Variants in TNRC6A observed in about 807,000 individuals in gnomAD.
TNRC6A encodes the protein trinucleotide repeat containing adaptor 6A.
A neutral mutation model predicts 221.2 loss-of-function variants in TNRC6A; 44 were observed. The ratio of observed to expected loss-of-function variants is 0.20; its 90% confidence interval spans 0.16 to 0.26. TNRC6A has a LOEUF of 0.26. Ranked by LOEUF, TNRC6A falls within the 10% of genes least tolerant of loss-of-function variation. The probability of loss-of-function intolerance (pLI) is 1.00; values close to 1 mark genes in which losing one functional copy is unlikely to be tolerated. For missense variants in TNRC6A, 2,199 were observed against 2,404.4 expected (o/e 0.91, Z 1.79); for synonymous variants, 847 against 838.5 (o/e 1.01, Z -0.18).
intron 4 of TNRC6A, among the ~76,000 whole-genome samples, chr16:24,768,432 CA>C (rs35193077): frequency 0.027 from 2,424 of 89,088 alleles, 18 homozygotes; most frequent in South Asian, 0.095. Context: ...GACTCTGTCT[CA>C]AAAAAAAAAA....
In TNRC6A at chr16:24,818,680, G is replaced by C; in HGVS notation, c.5060G>C (p.Ser1687Thr). The part of the protein sequence containing the change: ...RASNYNVPLS[S>T]TAQSTSARNS... ...TCCAACTACAACGTTCCCCTCAGCA[G>C]TACAGCACAAAGCACTTCAGGTGGG... Residue 1687 changes from serine (S) to threonine (T), a missense_variant, in exon 21 of 25, where the codon AGT becomes ACT. By Grantham distance (58) the Ser-to-Thr change is moderately conservative. This residue lies in a region of TNRC6A where 449 missense variants were observed against 579.7 expected (regional missense o/e 0.77). Transcript: ENST00000395799. 1 of 1,614,152 alleles carries C rather than the reference G, an allele frequency of 6.2e-7. No homozygotes were observed. The highest frequency in any genetic ancestry group is 2.2e-5 in the East Asian group (1 of 44,888).
At chr16:24,713,856 G>A (rs571676252) in intron 2 of TNRC6A, among the ~76,000 whole-genome samples, 5 of 152,184 alleles carry the variant, frequency 3.3e-5, no homozygotes, top group Non-Finnish European at 5.9e-5. Context: ...ATGTTGGCCA[G>A]GCTGGTCTTT....
chr16:24,689,066 C>A (rs2055698241), intron 2 of TNRC6A, among the ~76,000 whole-genome samples: 1 of 152,056 alleles, frequency 6.6e-6, no homozygotes, highest in South Asian at 2.1e-4. Flanking sequence ...GGCCCTATTT[C>A]CAAAAGACAA....
At chr16:24,803,001 G>A (rs552866319) in intron 11 of TNRC6A, among the ~76,000 whole-genome samples, 1 of 152,354 alleles carries the variant, frequency 6.6e-6, no homozygotes, top group East Asian at 1.9e-4. Flanking sequence ...CAGTCAGAAT[G>A]AGGAGAGGAG....
rs75953368 is a variant in TNRC6A at position 24,763,081 on chromosome 16, A to G, written c.163+4721A>G. On this transcript the variant is annotated intron_variant, in intron 4 of 24. Coordinates refer to ENST00000395799, the MANE Select transcript of TNRC6A (RefSeq NM_014494.4). ...GGCATTGGCTCTTAAATTGTTTATTACATCTTTGGTTGTTGATGAAAATGA... is the reference window on the plus strand; with the variant it reads ...GGCATTGGCTCTTAAATTGTTTATTGCATCTTTGGTTGTTGATGAAAATGA... Among the ~76,000 whole-genome samples the G allele has an allele frequency of 9.3e-3, 1,422 of 152,240 alleles. 16 individuals are homozygous for G. Among genetic ancestry groups the G allele is most frequent in the Admixed American group, 0.019 (290 of 15,284 alleles).
chr16:24,779,718 C>T (rs975281770), intron 5 of TNRC6A, among the ~76,000 whole-genome samples: 2 of 152,164 alleles, frequency 1.3e-5, no homozygotes, highest in Non-Finnish European at 2.9e-5. Context: ...TTAGTATAAA[C>T]AGCGTGCACA....
intron 4 of TNRC6A, among the ~76,000 whole-genome samples, chr16:24,766,118 T>TA (rs1596651020): frequency 6.6e-6 from 1 of 152,228 alleles, no homozygotes; most frequent in East Asian, 1.9e-4. Flanking sequence ...CCTTTATTTT[T>TA]AGAGAGTTTG....
intron 4 of TNRC6A, among the ~76,000 whole-genome samples, chr16:24,762,546 C>T (rs1044885999): frequency 6.6e-6 from 1 of 152,124 alleles, no homozygotes; most frequent in Non-Finnish European, 1.5e-5. Flanking sequence ...TTTTGGAAAT[C>T]TTTGGGATCC....
chr16:24,729,705 G>A lies in TNRC6A; in HGVS notation c.-137G>A. ...GGTGTCGGCGGCGGCGGCGGCGGCG[G>A]CGGCGGCGGCGGCAGCGGGTCGGTG... On this transcript the variant is annotated 5_prime_UTR_variant, in exon 1 of 25. Coordinates refer to ENST00000395799, the MANE Select transcript of TNRC6A (RefSeq NM_014494.4). 2 of 1,072,536 alleles carry A rather than the reference G, an allele frequency of 1.9e-6. No individual in the cohort carries two copies. Among genetic ancestry groups the A allele is most frequent in the Non-Finnish European group, 2.4e-6 (2 of 829,402 alleles). The allele number at this position is 1,072,536 out of a possible 1,614,324, so 66.4% of individuals were successfully genotyped here.
At chr16:24,690,377 T>G (rs977820525) in intron 2 of TNRC6A, among the ~76,000 whole-genome samples, 2 of 151,948 alleles carry the variant, frequency 1.3e-5, no homozygotes, top group Non-Finnish European at 2.9e-5. Flanking sequence ...TGGCCAGGAG[T>G]TCCCAATATA....
intron 2 of TNRC6A, among the ~76,000 whole-genome samples, chr16:24,738,799 A>G (rs1443314296): frequency 6.6e-6 from 1 of 152,238 alleles, no homozygotes; most frequent in Non-Finnish European, 1.5e-5. Flanking sequence ...TATTGGTTAT[A>G]TACCTAGGGG....
At chr16:24,806,084 T>C in intron 15 of TNRC6A, 122 bp from the exon 16 acceptor site, 2 of 1,033,102 alleles carry the variant, frequency 1.9e-6, no homozygotes, top group East Asian at 2.6e-5. Context: ...TAGATAATGC[T>C]AGACATGTTG....
chr16:24,706,458 T>G (rs2056094355), intron 2 of TNRC6A, among the ~76,000 whole-genome samples: 1 of 152,048 alleles, frequency 6.6e-6, no homozygotes, highest in African/African-American at 2.4e-5. Context: ...ACGCCTATAA[T>G]CCCAGCACTT....
intron 9 of TNRC6A, among the ~76,000 whole-genome samples, chr16:24,796,624 A>T (rs1053266583): frequency 1.3e-5 from 2 of 152,212 alleles, no homozygotes; most frequent in African/African-American, 4.8e-5. Flanking sequence ...ATCAAAGCCA[A>T]CTTCAGAATC....
rs143795319 is a variant in TNRC6A, at chr16:24,730,880, C to G, written c.53+580C>G. 2.4e-4 allele frequency among the ~76,000 whole-genome samples: 36 copies of G among 151,264 alleles called. 1 individual carries two copies. Among genetic ancestry groups the G allele is most frequent in the African/African-American group, 8.2e-4 (34 of 41,228 alleles). On this transcript the variant is annotated intron_variant, in intron 2 of 24. Coordinates refer to ENST00000395799, the MANE Select transcript of TNRC6A (RefSeq NM_014494.4). ...TTTCTGTCCATGTTCGGTGTGTGCT[C>G]TTTTTATCAGCTGGTAAAATAATTA...
At chr16:24,774,830 A>C (rs1203523350) in intron 4 of TNRC6A, among the ~76,000 whole-genome samples, 1 of 152,208 alleles carries the variant, frequency 6.6e-6, no homozygotes, top group Non-Finnish European at 1.5e-5. Context: ...CCCTTATATA[A>C]AATGGTGTAG....
chr16:24,733,151 A>G (rs1345151975), intron 2 of TNRC6A, among the ~76,000 whole-genome samples: 28 of 152,160 alleles, frequency 1.8e-4, no homozygotes, highest in Non-Finnish European at 4.4e-5. Context: ...CTGGGAGCGG[A>G]GAGCCGAGAT....
chr16:24,614,539 G>A (rs545687633), intron 1 of TNRC6A, among the ~76,000 whole-genome samples: 1 of 152,310 alleles, frequency 6.6e-6, no homozygotes, highest in East Asian at 1.9e-4. Context: ...CTTGGAACAA[G>A]CACGGGTCTG....
chr16:24,798,634 G>T (rs1258585184), intron 11 of TNRC6A, among the ~76,000 whole-genome samples: 1 of 152,184 alleles, frequency 6.6e-6, no homozygotes, highest in East Asian at 1.9e-4. Flanking sequence ...TCCAAACCAA[G>T]ACAGTAGATG....
Sources: gnomAD v4.1 joint callset for allele counts (sites outside exome capture counted in the v4.1 genomes callset) on GRCh38, gnomAD v4.1.1 for gene constraint, gnomAD v4.1.1 regional missense constraint, MANE v1.5 for transcripts, NCBI Gene and HGNC (gene_info 2026-07-23, HGNC 2026-07-21) for gene names.